The following CACNA1E variants were observed in gnomAD, a reference collection of about 807,000 sequenced individuals.
The protein encoded by CACNA1E is voltage-dependent R-type calcium channel subunit alpha-1E.
Under a neutral mutation model 259.2 loss-of-function variants are expected in CACNA1E, and 40 were observed. That is an observed-to-expected ratio of 0.15 (90% CI 0.12 to 0.20). The LOEUF (loss-of-function observed/expected upper bound fraction) is 0.20, where lower values mean the gene tolerates loss of function less well. CACNA1E is among the 10% of genes least tolerant of loss of function. The pLI, the probability that CACNA1E is intolerant of heterozygous loss-of-function variation, is 1.00. For missense variants in CACNA1E, 1,874 were observed against 3,040.1 expected, an observed-to-expected ratio of 0.62 and a Z score of 9.02; for synonymous variants, 1,104 against 1,138.5, an observed-to-expected ratio of 0.97 and a Z score of 0.61.
intron 1 of CACNA1E, among the ~76,000 whole-genome samples, chr1:181,345,528 G>A (rs1652523801): frequency 6.6e-6 from 1 of 152,176 alleles, no homozygotes; most frequent in East Asian, 1.9e-4. Context: ...TGCTGGCTTT[G>A]GGTCTTTCTT....
chr1:181,510,303 A>G (rs997840459), intron 1 of CACNA1E, among the ~76,000 whole-genome samples, 174 bp from the exon 2 acceptor site: 2 of 152,232 alleles, frequency 1.3e-5, no homozygotes, highest in African/African-American at 4.8e-5. Flanking sequence ...CACAAAACCA[A>G]AAGTGGATGC....
chr1:181,538,382 A>C (rs1173290957), intron 3 of CACNA1E, among the ~76,000 whole-genome samples: 1 of 152,250 alleles, frequency 6.6e-6, no homozygotes, highest in Non-Finnish European at 1.5e-5. Context: ...TGCATGAGAA[A>C]GATGTCCTTT....
intron 1 of CACNA1E, among the ~76,000 whole-genome samples, chr1:181,487,048 G>GAA (rs1663887339): frequency 6.6e-6 from 1 of 150,572 alleles, no homozygotes; most frequent in Admixed American, 6.6e-5. Flanking sequence ...TTTAAGAAAG[G>GAA]AAGGTTGTTC....
intron 1 of CACNA1E, among the ~76,000 whole-genome samples, chr1:181,501,720 AAG>A (rs58336251): frequency 3.3e-4 from 49 of 149,156 alleles, no homozygotes; most frequent in Non-Finnish European, 4.0e-4. Flanking sequence ...AGGAGTGGGG[AAG>A]AGAGAGAGAG....
At chr1:181,372,208 T>C (rs1016230717) in intron 1 of CACNA1E, among the ~76,000 whole-genome samples, 2 of 152,204 alleles carry the variant, frequency 1.3e-5, no homozygotes, top group Non-Finnish European at 1.5e-5. Context: ...TATAATGATA[T>C]TGATTCTTCC....
At chr1:181,477,754 C>T (rs965090063) in intron 2 of CACNA1E, among the ~76,000 whole-genome samples, 2 of 152,152 alleles carry the variant, frequency 1.3e-5, no homozygotes, top group African/African-American at 4.8e-5. Flanking sequence ...AGTGTGTTAC[C>T]GTGGTCACAG....
rs755852341 is a variant in CACNA1E, at chr1:181,758,135, C to G, written c.4494+24C>G. ...AGGTGAGAGGAGAGAGGCACAAGAGCCGACTGAGCCCCAGCGATGGTTCCC... is the reference window on the plus strand; with the variant it reads ...AGGTGAGAGGAGAGAGGCACAAGAGGCGACTGAGCCCCAGCGATGGTTCCC... On this transcript the variant is annotated intron_variant, in intron 31 of 47. Coordinates refer to ENST00000367573, the MANE Select transcript of CACNA1E (RefSeq NM_001205293.3). The surrounding 1 kb of genome is among the most constrained non-coding windows in gnomAD (Gnocchi z 4.2). 2 of 1,607,006 alleles carry G rather than the reference C, an allele frequency of 1.2e-6. No homozygotes were observed. The highest frequency in any genetic ancestry group is 3.3e-5 in the Admixed American group (2 of 59,788).
At chr1:181,533,077 A>G (rs1010848963) in intron 3 of CACNA1E, among the ~76,000 whole-genome samples, 23 of 152,160 alleles carry the variant, frequency 1.5e-4, no homozygotes, top group African/African-American at 5.5e-4. Context: ...GGTTACATTA[A>G]GTCCTGAACC....
In CACNA1E at chr1:181,527,294, G is replaced by A. The variant is rs543427369; in HGVS notation, c.512+15784G>A. On this transcript the variant is annotated intron_variant, in intron 3 of 47. Transcript: ENST00000367573. ...GGTAGAAGGGGTGAGGGAGCTCTCT[G>A]GTGTCTCTTTTGTAAGGACACTAAT... is the stretch of plus-strand genomic sequence containing the variant. Among the ~76,000 whole-genome samples the A allele has an allele frequency of 2.4e-4, 37 of 152,334 alleles. No individual in the cohort carries two copies. In the Middle Eastern group the frequency reaches 0.014, roughly 56 times the overall value.
intron 23 of CACNA1E, among the ~76,000 whole-genome samples, chr1:181,737,946 C>T (rs748684576): frequency 6.6e-6 from 1 of 152,192 alleles, no homozygotes; most frequent in African/African-American, 2.4e-5. Context: ...GTGTGTGAAG[C>T]TGGCAGCTGC....
intron 24 of CACNA1E, 25 bp from the exon 25 acceptor site, chr1:181,739,122 T>C: frequency 7.1e-7 from 1 of 1,413,468 alleles, no homozygotes; most frequent in Non-Finnish European, 1.0e-6. Flanking sequence ...CTTGGCTCAC[T>C]GTGGCTGTTC....
intron 6 of CACNA1E, among the ~76,000 whole-genome samples, chr1:181,631,102 G>A (rs551484247): frequency 2.6e-5 from 4 of 152,324 alleles, no homozygotes; most frequent in African/African-American, 4.8e-5. Context: ...CTGGCCTGAC[G>A]CTGCATAGCT....
intron 1 of CACNA1E, among the ~76,000 whole-genome samples, chr1:181,362,735 T>C (rs777937035): frequency 1.6e-4 from 24 of 152,154 alleles, no homozygotes; most frequent in Non-Finnish European, 2.5e-4. Flanking sequence ...GAGTGAAATA[T>C]GATGGGAATA....
chr1:181,703,670 A>G (rs1366077225), intron 7 of CACNA1E, among the ~76,000 whole-genome samples: 1 of 152,234 alleles, frequency 6.6e-6, no homozygotes, highest in African/African-American at 2.4e-5. Flanking sequence ...TTGAGTTCTC[A>G]TAACTGAAAT....
intron 35 of CACNA1E, among the ~76,000 whole-genome samples, chr1:181,768,680 T>C (rs965447784): frequency 3.3e-5 from 5 of 152,230 alleles, no homozygotes; most frequent in African/African-American, 4.8e-5. Flanking sequence ...TCAGATTTCT[T>C]TCCAAAGGAT....
chr1:181,659,796 G>A lies in CACNA1E; in HGVS notation c.1055+8355G>A, dbSNP rs185870048. On this transcript the variant is annotated intron_variant, in intron 7 of 47. Transcript: ENST00000367573. ...CAGTATCTTTATTTGGAAATGAGAA[G>A]AGGGAGGTTTAGTTAATCTCCAACT... 3.0e-3 allele frequency among the ~76,000 whole-genome samples: 461 copies of A among 152,304 alleles called. 3 individuals carry two copies. The highest frequency in any genetic ancestry group is 0.011 in the African/African-American group (441 of 41,568).
At chr1:181,578,820 C>G (rs1361465178) in intron 4 of CACNA1E, among the ~76,000 whole-genome samples, 3 of 152,148 alleles carry the variant, frequency 2.0e-5, no homozygotes, top group Non-Finnish European at 2.9e-5. Flanking sequence ...TTGTGCTTCC[C>G]CAACAGAGAC....
intron 1 of CACNA1E, among the ~76,000 whole-genome samples, chr1:181,484,386 C>T (rs906125523): frequency 1.3e-5 from 2 of 152,108 alleles, no homozygotes; most frequent in South Asian, 2.1e-4. Flanking sequence ...TTCTCATTTT[C>T]CTTTCTTTAA....
At chr1:181,610,621 T>C (rs1376180796) in intron 6 of CACNA1E, among the ~76,000 whole-genome samples, 1 of 152,212 alleles carries the variant, frequency 6.6e-6, no homozygotes. Context: ...AATTTGATCA[T>C]CTAAGGTCTT....
Sources: allele counts gnomAD v4.1 joint callset (sites outside exome capture counted in the v4.1 genomes callset), GRCh38; gene constraint gnomAD v4.1.1; non-coding constraint Gnocchi (gnomAD v3.1); transcripts MANE v1.5; gene names NCBI Gene and HGNC (gene_info 2026-07-23, HGNC 2026-07-21).